Variants in FRMPD1 observed in about 807,000 individuals in gnomAD.
FRMPD1 encodes the protein FERM and PDZ domain-containing protein 1.
Under a neutral mutation model 117.8 loss-of-function variants are expected in FRMPD1, and 76 were observed. The ratio of observed to expected loss-of-function variants is 0.65; its 90% CI spans 0.54 to 0.78. The LOEUF (loss-of-function observed/expected upper bound fraction) is 0.78, where lower values mean the gene tolerates loss of function less well. Among genes scored for constraint, FRMPD1 ranks in the 30% least tolerant of loss-of-function variants. The pLI, the probability that FRMPD1 is intolerant of heterozygous loss-of-function variation, is 0.00. For missense variants in FRMPD1, 1,786 were observed against 1,964.5 expected, an observed-to-expected ratio of 0.91 and a Z score of 1.72; for synonymous variants, 783 against 770.4, an observed-to-expected ratio of 1.02 and a Z score of -0.27.
chr9:37,725,835 C>G (rs1223461756), intron 7 of FRMPD1, among the ~76,000 whole-genome samples: 1 of 152,214 alleles, frequency 6.6e-6, no homozygotes, highest in Non-Finnish European at 1.5e-5. Flanking sequence ...TGGCTTTGAA[C>G]TTGGTCTGTT....
rs745630668 is a variant in FRMPD1, at chr9:37,708,490, C to G, written c.351C>G (p.Val117=). The part of the protein sequence containing the change: ...PAEDLSWERA[V]DILREAEDSL... ...AAGACCTTTCCTGGGAACGAGCAGT[C>G]GATATTCTCAGGTACTAAATGGTCT... The change falls in exon 4 of 16, where the codon GTC becomes GTG. Residue 117 remains valine, a synonymous_variant. Transcript: ENST00000377765. 12 of 1,587,594 alleles carry G rather than the reference C, an allele frequency of 7.6e-6. No individual in the cohort carries two copies. Among genetic ancestry groups the G allele is most frequent in the Non-Finnish European group, 1.0e-5 (12 of 1,155,862 alleles).
upstream of FRMPD1, among the ~76,000 whole-genome samples, chr9:37,647,166 T>C (rs777354063): frequency 2.6e-5 from 4 of 152,138 alleles, no homozygotes; most frequent in Non-Finnish European, 5.9e-5. Flanking sequence ...GATCATTTGA[T>C]GCTATCCTCT....
intron 7 of FRMPD1, among the ~76,000 whole-genome samples, chr9:37,725,958 A>C (rs1262537089): frequency 6.6e-6 from 1 of 152,196 alleles, no homozygotes; most frequent in African/African-American, 2.4e-5. Context: ...AGTGGATTGG[A>C]ATAGAAGGGT....
At chr9:37,662,488 TAAG>T (rs1233463417) in intron 1 of FRMPD1, among the ~76,000 whole-genome samples, 8 of 152,094 alleles carry the variant, frequency 5.3e-5, no homozygotes, top group Admixed American at 3.3e-4. Flanking sequence ...TGGGGACAAA[TAAG>T]AAGTCAGCAT....
rs1822497315 is a variant in FRMPD1 at position 37,700,624 on chromosome 9, ATCTGG to A, written c.102-6790_102-6786del. 5.3e-5 allele frequency among the ~76,000 whole-genome samples: 8 copies of A among 152,358 alleles called. No homozygotes were observed. In the South Asian group the frequency reaches 1.0e-3, roughly 20 times the overall value. On this transcript the variant is annotated intron_variant, in intron 2 of 15. Transcript: ENST00000377765. ...AATATGTGAAGTGCAATCAGTATCCATCTGGTAGTTTTCCTTTTCAGTGTTATTAA... is the reference window on the plus strand; with the variant it reads ...AATATGTGAAGTGCAATCAGTATCCATAGTTTTCCTTTTCAGTGTTATTAA...
chr9:37,674,116 T>C (rs1821446062), intron 1 of FRMPD1, among the ~76,000 whole-genome samples: 1 of 152,260 alleles, frequency 6.6e-6, no homozygotes, highest in South Asian at 2.1e-4. Flanking sequence ...TGAACTTTTA[T>C]ACTCTGTTTC....
the FRMPD1 span, among the ~76,000 whole-genome samples, chr9:37,628,366 A>G: frequency 6.6e-6 from 1 of 152,206 alleles, no homozygotes; most frequent in Non-Finnish European, 1.5e-5. Context: ...AGGACAAAAG[A>G]GAACTTGTAA....
intron 1 of FRMPD1, among the ~76,000 whole-genome samples, chr9:37,656,892 T>C (rs1357991870): frequency 6.6e-6 from 1 of 151,886 alleles, no homozygotes; most frequent in East Asian, 1.9e-4. Flanking sequence ...AGCTGGCTGC[T>C]AAATGGTATG....
At chr9:37,727,840 G>A (rs1823681206) in intron 7 of FRMPD1, 1 of 152,256 alleles carries the variant, frequency 6.6e-6, no homozygotes, top group South Asian at 2.1e-4. Flanking sequence ...TCCGAATCAG[G>A]AGTCATGAGG....
chr9:37,716,765 T>C (rs1823138599), intron 5 of FRMPD1, among the ~76,000 whole-genome samples: 1 of 152,178 alleles, frequency 6.6e-6, no homozygotes, highest in Non-Finnish European at 1.5e-5. Context: ...TACCCTCTTA[T>C]ATTTGTTTTT....
intron 1 of FRMPD1, among the ~76,000 whole-genome samples, chr9:37,687,788 G>T (rs1401100528): frequency 2.0e-5 from 3 of 152,176 alleles, no homozygotes; most frequent in Non-Finnish European, 4.4e-5. Context: ...AAAGTAATAA[G>T]AAGTAAATAT....
intron 1 of FRMPD1, among the ~76,000 whole-genome samples, chr9:37,668,808 G>A (rs1821252460): frequency 6.6e-6 from 1 of 151,932 alleles, no homozygotes; most frequent in South Asian, 2.1e-4. Flanking sequence ...ATTTATTATG[G>A]GTTCTTCTCA....
chr9:37,732,800 A>G (rs372031324), intron 10 of FRMPD1, among the ~76,000 whole-genome samples: 9 of 152,260 alleles, frequency 5.9e-5, no homozygotes, highest in African/African-American at 2.2e-4. Context: ...TTCCTATTGC[A>G]TTATGTCTCC....
At chr9:37,730,382 C>T (rs1823817151) in intron 8 of FRMPD1, among the ~76,000 whole-genome samples, 1 of 152,226 alleles carries the variant, frequency 6.6e-6, no homozygotes, top group African/African-American at 2.4e-5. Flanking sequence ...TTCAACAAAT[C>T]TTTGTGAGTC....
rs1417534898 is a variant in FRMPD1 at position 37,745,234 on chromosome 9, G to T, written c.3202G>T (p.Ala1068Ser). The T allele has an allele frequency of 3.7e-6, 6 of 1,612,472 alleles. No homozygotes were observed. In the Admixed American group the frequency reaches 1.0e-4, roughly 27 times the overall value. ...SFCTNHIQET[A>S]PKYTEPLLSP... ...TTGTACAAATCATATACAAGAAACT[G>T]CCCCCAAATACACAGAGCCTTTGTT... The change falls in exon 16 of 16, where the codon GCC becomes TCC. Residue 1068 changes from alanine to serine, a missense_variant. Ala to Ser is a moderately conservative substitution (Grantham distance 99). Coordinates refer to ENST00000377765, the MANE Select transcript of FRMPD1 (RefSeq NM_014907.3).
the FRMPD1 span, among the ~76,000 whole-genome samples, chr9:37,622,562 C>T: frequency 6.6e-6 from 1 of 152,200 alleles, no homozygotes; most frequent in African/African-American, 2.4e-5. Flanking sequence ...TGCTTTAGAT[C>T]CTATCAGTCC....
chr9:37,644,547 G>A, the FRMPD1 span, among the ~76,000 whole-genome samples: 1 of 152,186 alleles, frequency 6.6e-6, no homozygotes. Flanking sequence ...GGCTTGGAAG[G>A]TGGCCCCCCA....
At chr9:37,607,782 A>G in the FRMPD1 span, among the ~76,000 whole-genome samples, 2 of 152,242 alleles carry the variant, frequency 1.3e-5, no homozygotes, top group Non-Finnish European at 2.9e-5. Flanking sequence ...GAGAAACCTC[A>G]TGGTTTAGGT....
chr9:37,633,606 T>G, the FRMPD1 span, among the ~76,000 whole-genome samples: 3 of 152,180 alleles, frequency 2.0e-5, no homozygotes, highest in Admixed American at 1.3e-4. Flanking sequence ...CGCCTAGTAT[T>G]CCCAGCAGTG....
Sources: allele counts gnomAD v4.1 joint callset (sites outside exome capture counted in the v4.1 genomes callset), GRCh38; gene constraint gnomAD v4.1.1; transcripts MANE v1.5; gene names NCBI Gene and HGNC (gene_info 2026-07-23, HGNC 2026-07-21).